The following MRPS28 variants were observed in gnomAD, a reference collection of about 807,000 sequenced individuals.
The protein encoded by MRPS28 is mitochondrial ribosomal protein S28, also known as small ribosomal subunit protein bS1m.
In MRPS28, 7 loss-of-function variants were observed where a neutral mutation model predicts 10.8. The observed-to-expected ratio is 0.65, with a 90% CI of 0.37 to 1.22. The LOEUF (loss-of-function observed/expected upper bound fraction) is 1.22, where lower values mean the gene tolerates loss of function less well. Ranked by LOEUF, MRPS28 falls within the 50% of genes most tolerant of loss-of-function variation. The probability of loss-of-function intolerance (pLI) is 0.02; values close to 1 mark genes in which losing one functional copy is unlikely to be tolerated. For missense variants in MRPS28, 265 were observed against 232.9 expected (o/e 1.14, Z -0.90); for synonymous variants, 121 against 93.3 (o/e 1.30, Z -1.71).
At chr8:79,949,038 T>C (rs1021690693) in intron 2 of MRPS28, among the ~76,000 whole-genome samples, 2 of 152,142 alleles carry the variant, frequency 1.3e-5, no homozygotes, top group Non-Finnish European at 2.9e-5. Flanking sequence ...TGTTTGACAA[T>C]TATTCATAGA....
intron 2 of MRPS28, among the ~76,000 whole-genome samples, chr8:79,978,595 G>C: frequency 6.6e-6 from 1 of 151,862 alleles, no homozygotes; most frequent in East Asian, 1.9e-4. Flanking sequence ...ATTTATCCTT[G>C]AAAAAAGACA....
In MRPS28 at chr8:80,015,285, G is replaced by T. The variant is rs150506400; in HGVS notation, c.214-12105C>A. ...ATTCAACAATTCATTTATCAAACAG[G>T]TGTTGTCTTTTTAATATACATTAAG... On this transcript the variant is annotated intron_variant, in intron 1 of 2. Transcript: ENST00000276585. Among the ~76,000 whole-genome samples, 308 of 152,270 alleles carry T rather than the reference G, an allele frequency of 2.0e-3. 2 individuals are homozygous for T. The highest frequency in any genetic ancestry group is 7.3e-3 in the African/African-American group (303 of 41,548).
chr8:79,932,964 C>G (rs1448806786), intron 2 of MRPS28, among the ~76,000 whole-genome samples: 1 of 152,170 alleles, frequency 6.6e-6, no homozygotes, highest in Non-Finnish European at 1.5e-5. Context: ...GTAAGGTGGT[C>G]TGGGTGGGTA....
At position 80,030,097 on chromosome 8, in the gene MRPS28, C is replaced by G; in HGVS notation, c.152G>C (p.Gly51Ala). ...NAKEPKTRAG[G>A]FASALERHSE... ...GTGCCGCTCCAACGCGCTCGCGAAA[C>G]CGCCTGCGCGCGTCTTAGGCTCCTT... Residue 51 changes from glycine to alanine, a missense_variant, in exon 1 of 3, where the codon GGT becomes GCT. Physicochemically the swap from Gly to Ala is moderately conservative, Grantham distance 60. Coordinates refer to ENST00000276585, the MANE Select transcript of MRPS28 (RefSeq NM_014018.3). 2 of 1,611,778 alleles carry G rather than the reference C, an allele frequency of 1.2e-6. No individual in the cohort carries two copies. The highest frequency in any genetic ancestry group is 1.7e-6 in the Non-Finnish European group (2 of 1,179,888).
At chr8:79,931,864 G>A (rs531778951) in intron 2 of MRPS28, among the ~76,000 whole-genome samples, 1 of 152,310 alleles carries the variant, frequency 6.6e-6, no homozygotes, top group African/African-American at 2.4e-5. Flanking sequence ...TAACTTTGGT[G>A]GGTATCAATT....
At chr8:79,945,049 T>C (rs1406573961) in intron 2 of MRPS28, among the ~76,000 whole-genome samples, 2 of 152,198 alleles carry the variant, frequency 1.3e-5, no homozygotes, top group Non-Finnish European at 2.9e-5. Context: ...TGACTATTAT[T>C]ATCAAGAGGC....
chr8:79,960,647 T>C (rs927721008), intron 2 of MRPS28, among the ~76,000 whole-genome samples: 19 of 152,086 alleles, frequency 1.2e-4, no homozygotes, highest in Admixed American at 3.9e-4. Context: ...TTAGTTTTAT[T>C]AGTTAGGATT....
intron 2 of MRPS28, among the ~76,000 whole-genome samples, chr8:79,993,567 C>G (rs1175608225): frequency 6.6e-6 from 1 of 152,142 alleles, no homozygotes. Context: ...TCTCTAAGAT[C>G]ATACTTTATA....
intron 2 of MRPS28, among the ~76,000 whole-genome samples, chr8:79,924,042 A>G (rs1395394113): frequency 6.6e-6 from 1 of 152,246 alleles, no homozygotes; most frequent in Non-Finnish European, 1.5e-5. Flanking sequence ...ATATAAACAT[A>G]TTAAGTAATA....
At chr8:79,919,478 C>A (rs1274931) in intron 2 of MRPS28, among the ~76,000 whole-genome samples, 83,559 of 151,816 alleles carry the variant, frequency 0.55, 23,783 homozygotes, top group East Asian at 0.83. Context: ...GCAGCTAAGA[C>A]TACAAGCATG....
chr8:80,025,336 T>C (rs1809468078), intron 1 of MRPS28, among the ~76,000 whole-genome samples: 1 of 152,210 alleles, frequency 6.6e-6, no homozygotes, highest in African/African-American at 2.4e-5. Context: ...CATGAGTTGA[T>C]ACGGGGGTGA....
chr8:79,936,109 G>A (rs993661807), intron 2 of MRPS28, among the ~76,000 whole-genome samples: 1 of 151,878 alleles, frequency 6.6e-6, no homozygotes, highest in Non-Finnish European at 1.5e-5. Flanking sequence ...CACTTTAGGA[G>A]GTCAAGGTGG....
chr8:79,954,760 C>T (rs748580575), intron 2 of MRPS28, among the ~76,000 whole-genome samples: 5 of 152,172 alleles, frequency 3.3e-5, no homozygotes, highest in Non-Finnish European at 5.9e-5. Flanking sequence ...TAAACCAAAG[C>T]CACACCTACA....
intron 2 of MRPS28, among the ~76,000 whole-genome samples, chr8:79,928,482 C>G (rs1806364304): frequency 6.6e-6 from 1 of 152,062 alleles, no homozygotes; most frequent in African/African-American, 2.4e-5. Context: ...CTCTGTCACT[C>G]AGACTGGAAT....
intron 2 of MRPS28, among the ~76,000 whole-genome samples, chr8:79,940,994 C>T (rs1303809456): frequency 6.6e-6 from 1 of 152,064 alleles, no homozygotes; most frequent in Admixed American, 6.6e-5. Context: ...CTTTTTCTCA[C>T]CAATAGACAA....
rs1258586297 is a variant in MRPS28, at chr8:79,919,157, T to C, written c.396-9A>G. On this transcript the variant is annotated splice_polypyrimidine_tract_variant and intron_variant, in intron 2 of 2. Coordinates refer to ENST00000276585, the MANE Select transcript of MRPS28 (RefSeq NM_014018.3). The stretch of plus-strand genomic sequence containing the variant: ...TTCCTTTCTGGTATTTCCTAAATAG[T>C]TAAAAAAAAAAAAATCCATTAATTC... The C allele has an allele frequency of 6.5e-7, 1 of 1,548,748 alleles. No homozygotes were observed. Among genetic ancestry groups the C allele is most frequent in the Non-Finnish European group, 8.7e-7 (1 of 1,154,298 alleles).
chr8:79,933,427 G>C (rs961277835), intron 2 of MRPS28, among the ~76,000 whole-genome samples: 1 of 152,202 alleles, frequency 6.6e-6, no homozygotes, highest in Non-Finnish European at 1.5e-5. Context: ...TACAGGTTCA[G>C]TCTCCAAATA....
At chr8:79,949,687 C>T (rs1168201302) in intron 2 of MRPS28, among the ~76,000 whole-genome samples, 1 of 152,008 alleles carries the variant, frequency 6.6e-6, no homozygotes, top group Non-Finnish European at 1.5e-5. Context: ...TGTTGTTTTC[C>T]TCATATGACA....
intron 2 of MRPS28, among the ~76,000 whole-genome samples, chr8:79,970,428 C>G (rs1026406499): frequency 5.3e-5 from 8 of 152,190 alleles, no homozygotes; most frequent in Non-Finnish European, 5.9e-5. Flanking sequence ...TATACCAACA[C>G]AGAGGATAGT....
Sources: gnomAD v4.1 joint callset for allele counts (sites outside exome capture counted in the v4.1 genomes callset) on GRCh38, gnomAD v4.1.1 for gene constraint, MANE v1.5 for transcripts, NCBI Gene and HGNC (gene_info 2026-07-23, HGNC 2026-07-21) for gene names.